SNTB1: variants seen among roughly 807,000 people sequenced by gnomAD.
SNTB1 encodes syntrophin beta 1, also known as beta-1-syntrophin.
SNTB1 carries 36 observed loss-of-function variants against 48.9 expected under a neutral mutation model. The ratio of observed to expected loss-of-function variants is 0.74; its 90% confidence interval spans 0.56 to 0.97. The LOEUF is 0.97. Among genes scored for constraint, SNTB1 ranks in the 50% least tolerant of loss-of-function variants. SNTB1 has a pLI of 0.00. For missense variants in SNTB1, 786 were observed against 703.4 expected, an observed-to-expected ratio of 1.12 and a Z score of -1.33; for synonymous variants, 299 against 294.6, an observed-to-expected ratio of 1.01 and a Z score of -0.15.
intron 4 of SNTB1, among the ~76,000 whole-genome samples, chr8:120,561,662 TA>T (rs1437334430): frequency 1.3e-5 from 2 of 152,208 alleles, no homozygotes; most frequent in Non-Finnish European, 2.9e-5. Context: ...ATACACAGTA[TA>T]AAAAGATCTT....
chr8:120,748,291 C>T (rs1819159198), intron 1 of SNTB1, among the ~76,000 whole-genome samples: 1 of 151,986 alleles, frequency 6.6e-6, no homozygotes, highest in East Asian at 1.9e-4. Context: ...GTTTTTTTTC[C>T]TCCCTCCTTT....
intron 3 of SNTB1, among the ~76,000 whole-genome samples, chr8:120,580,495 G>A (rs890377234): frequency 6.6e-6 from 1 of 152,140 alleles, no homozygotes; most frequent in African/African-American, 2.4e-5. Context: ...TGCCCCAGTT[G>A]CTCACCTCAA....
At chr8:120,685,277 A>T (rs533411088) in intron 2 of SNTB1, among the ~76,000 whole-genome samples, 20 of 152,290 alleles carry the variant, frequency 1.3e-4, no homozygotes, top group Non-Finnish European at 2.5e-4. Context: ...ACATTGCCCT[A>T]GTGGGGGTTC....
At chr8:120,804,510 C>A (rs904748593) in intron 1 of SNTB1, among the ~76,000 whole-genome samples, 4 of 152,070 alleles carry the variant, frequency 2.6e-5, no homozygotes, top group Non-Finnish European at 5.9e-5. Context: ...TAGTATACAG[C>A]AGGATGGGCC....
At chr8:120,586,525 T>C (rs1434997214) in intron 3 of SNTB1, among the ~76,000 whole-genome samples, 1 of 152,140 alleles carries the variant, frequency 6.6e-6, no homozygotes, top group Non-Finnish European at 1.5e-5. Flanking sequence ...CACGTCACCT[T>C]CCCTTGCTTC....
At position 120,632,579 on chromosome 8, in the gene SNTB1, C is replaced by T; in HGVS notation, c.861G>A (p.Gln287=). 6.2e-7 allele frequency: 1 copy of T among 1,614,112 alleles called. No homozygotes were observed. Reference sequence around the variant, plus strand: ...TGGAATGGATGGCACTGAACCATGCCTGGGCCGTGGCTGAGTCCTTGCTCC... The same window carrying T: ...TGGAATGGATGGCACTGAACCATGCTTGGGCCGTGGCTGAGTCCTTGCTCC... The part of the protein sequence containing the change: ...ILRSKDSATA[Q]AWFSAIHSNV... The change falls in exon 3 of 7, where the codon CAG becomes CAA. Residue 287 remains glutamine (Q), a synonymous_variant. Coordinates refer to ENST00000517992, the MANE Select transcript of SNTB1 (RefSeq NM_021021.4).
chr8:120,671,504 A>G (rs1342930764), intron 2 of SNTB1, among the ~76,000 whole-genome samples: 1 of 152,222 alleles, frequency 6.6e-6, no homozygotes, highest in Non-Finnish European at 1.5e-5. Flanking sequence ...ACCAAGGATT[A>G]AAATACCAAG....
intron 2 of SNTB1, among the ~76,000 whole-genome samples, chr8:120,670,569 G>A (rs534400381): frequency 6.6e-6 from 1 of 152,174 alleles, no homozygotes; most frequent in Non-Finnish European, 1.5e-5. Context: ...TGTCACTAAG[G>A]TGTCAAATAA....
intron 1 of SNTB1, among the ~76,000 whole-genome samples, chr8:120,736,822 C>A (rs1563584994): frequency 1.3e-5 from 2 of 152,322 alleles, no homozygotes; most frequent in East Asian, 3.9e-4. Context: ...GAGCCACAGG[C>A]ACACATCATT....
At chr8:120,549,925 T>C (rs901552000) in intron 4 of SNTB1, among the ~76,000 whole-genome samples, 1 of 152,200 alleles carries the variant, frequency 6.6e-6, no homozygotes, top group African/African-American at 2.4e-5. Flanking sequence ...CTTTACAATT[T>C]ACTAGAGAAA....
At chr8:120,558,014 C>T (rs1413575437) in intron 4 of SNTB1, among the ~76,000 whole-genome samples, 1 of 152,146 alleles carries the variant, frequency 6.6e-6, no homozygotes, top group Non-Finnish European at 1.5e-5. Context: ...AAGTAAATGT[C>T]AGCTGGACAT....
chr8:120,780,882 C>G (rs1819821574), intron 1 of SNTB1, among the ~76,000 whole-genome samples: 1 of 152,156 alleles, frequency 6.6e-6, no homozygotes, highest in Non-Finnish European at 1.5e-5. Context: ...ATTTTAAGTT[C>G]ACCTTTTGTT....
intron 3 of SNTB1, among the ~76,000 whole-genome samples, chr8:120,617,029 G>A (rs1816725262): frequency 6.6e-6 from 1 of 152,096 alleles, no homozygotes; most frequent in Non-Finnish European, 1.5e-5. Flanking sequence ...ATGGCCCATG[G>A]GCCACATGTG....
rs1468475294 is a variant in SNTB1, at chr8:120,538,518, G to T, written c.*359C>A. The T allele has an allele frequency of 2.6e-6, 1 of 388,792 alleles. No individual in the cohort carries two copies. Among genetic ancestry groups the T allele is most frequent in the East Asian group, 7.0e-5 (1 of 14,214 alleles). The allele number at this position is 388,792 out of a possible 1,614,324, so 24.1% of individuals were successfully genotyped here. On this transcript the variant is annotated 3_prime_UTR_variant, in exon 7 of 7. Coordinates refer to ENST00000517992, the MANE Select transcript of SNTB1 (RefSeq NM_021021.4). ...CAACTATTCGGCCCTTGCGTACCTG[G>T]TGAACAAGTTGCCTAGGAACTGGGA...
At chr8:120,704,271 C>T (rs1818347907) in intron 1 of SNTB1, among the ~76,000 whole-genome samples, 1 of 152,064 alleles carries the variant, frequency 6.6e-6, no homozygotes, top group Admixed American at 6.5e-5. Flanking sequence ...AGCAATACAG[C>T]ATGACCTCAT....
At chr8:120,720,068 G>A (rs1403156673) in intron 1 of SNTB1, among the ~76,000 whole-genome samples, 2 of 152,348 alleles carry the variant, frequency 1.3e-5, no homozygotes, top group East Asian at 3.9e-4. Flanking sequence ...GATCGGTGAT[G>A]CAGTAAATAC....
intron 2 of SNTB1, among the ~76,000 whole-genome samples, chr8:120,635,086 T>C (rs966295960): frequency 2.6e-5 from 4 of 152,252 alleles, no homozygotes; most frequent in Non-Finnish European, 5.9e-5. Context: ...TTTTAAGGAA[T>C]TTGCAAAGCC....
intron 2 of SNTB1, among the ~76,000 whole-genome samples, chr8:120,645,931 G>T (rs1338180922): frequency 7.4e-6 from 1 of 135,228 alleles, no homozygotes; most frequent in Non-Finnish European, 1.6e-5. Context: ...AAGCAATTGT[G>T]AATGGGAGTT....
intron 1 of SNTB1, among the ~76,000 whole-genome samples, chr8:120,696,671 C>G (rs1818215849): frequency 6.6e-6 from 1 of 152,106 alleles, no homozygotes; most frequent in Non-Finnish European, 1.5e-5. Context: ...CCTTGTAGGG[C>G]TATTCTTATT....
Sources: gnomAD v4.1 joint callset for allele counts (sites outside exome capture counted in the v4.1 genomes callset) on GRCh38, gnomAD v4.1.1 for gene constraint, MANE v1.5 for transcripts, NCBI Gene and HGNC (gene_info 2026-07-23, HGNC 2026-07-21) for gene names.